WDR1: variants seen among roughly 807,000 people sequenced by gnomAD.
WDR1 encodes WD repeat domain 1.
In WDR1, 21 loss-of-function variants were observed where a neutral mutation model predicts 71.9. The ratio of observed to expected loss-of-function variants is 0.29; its 90% CI spans 0.21 to 0.42. The LOEUF (loss-of-function observed/expected upper bound fraction) is 0.42, where lower values mean the gene tolerates loss of function less well. Ranked by LOEUF, WDR1 falls within the 10% of genes least tolerant of loss-of-function variation. WDR1 has a pLI of 1.00. For missense variants in WDR1, 696 were observed against 824.5 expected (o/e 0.84, Z 1.91); for synonymous variants, 424 against 347.4 (o/e 1.22, Z -2.45).
rs1361291494 is a variant in WDR1, at chr4:10,075,269, G to A, written c.*109C>T. On this transcript the variant is annotated 3_prime_UTR_variant, in exon 15 of 15. Coordinates refer to ENST00000499869, the MANE Select transcript of WDR1 (RefSeq NM_017491.5). ...TGACTGGGCCCTCCTGCCTCTTGTG[G>A]TGGGGTGGGGGCATGGGGGCGCGTC... is the stretch of plus-strand genomic sequence containing the variant. 10 of 909,840 alleles carry A rather than the reference G, an allele frequency of 1.1e-5. No homozygotes were observed. In the Admixed American group the frequency reaches 1.4e-4, roughly 13 times the overall value. The allele number at this position is 909,840 out of a possible 1,614,324, so 56.4% of individuals were successfully genotyped here. A position where few individuals can be genotyped will look rare whatever the true frequency, so the allele number is the denominator to read the frequency against.
At chr4:10,075,729 G>T (rs980535996) in intron 14 of WDR1, 2 of 566,370 alleles carry the variant, frequency 3.5e-6, no homozygotes, top group Admixed American at 6.2e-5. Context: ...AGCATCCCTG[G>T]CTCCACCTAC....
chr4:10,113,900 G>T (rs1035107436), intron 2 of WDR1, among the ~76,000 whole-genome samples: 1 of 152,202 alleles, frequency 6.6e-6, no homozygotes, highest in African/African-American at 2.4e-5. Flanking sequence ...TTGGCTTGGA[G>T]TATGTATGTT....
In WDR1 at chr4:10,085,861, C is replaced by T. The variant is rs1204280478; in HGVS notation, c.952-1331G>A. Reference sequence around the variant, plus strand: ...AACATCAGCATCTGCGTGACTCACACAGGTGTGGCATTTGAGAGTTGGGAC... The same window carrying T: ...AACATCAGCATCTGCGTGACTCACATAGGTGTGGCATTTGAGAGTTGGGAC... On this transcript the variant is annotated intron_variant, in intron 8 of 14. Transcript: ENST00000499869. Among the ~76,000 whole-genome samples the T allele has an allele frequency of 2.0e-5, 3 of 152,240 alleles. No individual in the cohort carries two copies. In the East Asian group the frequency reaches 5.8e-4, roughly 29 times the overall value.
chr4:10,106,102 G>C (rs1407953261), intron 2 of WDR1, among the ~76,000 whole-genome samples: 1 of 151,998 alleles, frequency 6.6e-6, no homozygotes, highest in African/African-American at 2.4e-5. Flanking sequence ...TGGGGGTGAG[G>C]GTGGAAGGGG....
At chr4:10,081,169 T>C (rs1218056067) in intron 11 of WDR1, among the ~76,000 whole-genome samples, 188 bp downstream of exon 11, 2 of 152,224 alleles carry the variant, frequency 1.3e-5, no homozygotes, top group South Asian at 2.1e-4. Flanking sequence ...CGTGCCTCCA[T>C]TTCTTCATCT....
intron 3 of WDR1, among the ~76,000 whole-genome samples, 159 bp from the exon 4 acceptor site, chr4:10,099,298 G>A (rs770684615): frequency 1.3e-5 from 2 of 152,244 alleles, no homozygotes; most frequent in Non-Finnish European, 2.9e-5. Flanking sequence ...GCCTAGTGAA[G>A]AGAACGTGTC....
chr4:10,112,556 C>T (rs945688915), intron 2 of WDR1, among the ~76,000 whole-genome samples: 6 of 152,122 alleles, frequency 3.9e-5, no homozygotes, highest in African/African-American at 1.2e-4. Context: ...TTAAGAAGTG[C>T]CATTATGCTG....
chr4:10,090,631 G>A (rs1448254856), intron 5 of WDR1, among the ~76,000 whole-genome samples: 2 of 152,200 alleles, frequency 1.3e-5, no homozygotes, highest in African/African-American at 2.4e-5. Flanking sequence ...CCCTCCTCAG[G>A]GTGCTGCCAA....
At chr4:10,084,291 G>A (rs764316807) in intron 9 of WDR1, 152 bp downstream of exon 9, 12 of 660,858 alleles carry the variant, frequency 1.8e-5, no homozygotes, top group Non-Finnish European at 3.3e-5. Context: ...TGTACAGACA[G>A]GCCACCCCTA....
intron 2 of WDR1, among the ~76,000 whole-genome samples, chr4:10,113,386 G>A (rs1351335135): frequency 6.6e-6 from 1 of 152,150 alleles, no homozygotes; most frequent in African/African-American, 2.4e-5. Flanking sequence ...CCAAAGAGAA[G>A]ACAGGGAGCA....
intron 9 of WDR1, among the ~76,000 whole-genome samples, 193 bp downstream of exon 9, chr4:10,084,250 G>C (rs1160591913): frequency 6.6e-6 from 1 of 152,134 alleles, no homozygotes; most frequent in Non-Finnish European, 1.5e-5. Flanking sequence ...AGTTGCCAAG[G>C]ACAACTCCAG....
chr4:10,080,998 G>T (rs1200843881), intron 11 of WDR1, among the ~76,000 whole-genome samples: 2 of 152,220 alleles, frequency 1.3e-5, no homozygotes, highest in Non-Finnish European at 2.9e-5. Flanking sequence ...CTACAATGCA[G>T]CAGGGCTGGG....
intron 3 of WDR1, among the ~76,000 whole-genome samples, chr4:10,100,591 G>T (rs1361582281): frequency 2.6e-5 from 4 of 152,184 alleles, no homozygotes; most frequent in African/African-American, 9.7e-5. Context: ...CCAGCTGCGG[G>T]GACAGGCAAG....
intron 2 of WDR1, among the ~76,000 whole-genome samples, chr4:10,112,547 TAAG>T (rs1296747905): frequency 6.6e-6 from 1 of 152,154 alleles, no homozygotes; most frequent in African/African-American, 2.4e-5. Flanking sequence ...TCTACAAGTT[TAAG>T]AAGTGCCATT....
At chr4:10,116,456 C>T in intron 1 of WDR1, 195 bp downstream of exon 1, 1 of 793,096 alleles carries the variant, frequency 1.3e-6, no homozygotes, top group African/African-American at 1.9e-5. Context: ...GCCCACGGCG[C>T]CAACTTGGGG....
intron 8 of WDR1, among the ~76,000 whole-genome samples, chr4:10,087,217 C>CACATTCAA (rs1491185876): frequency 6.6e-5 from 10 of 152,214 alleles, no homozygotes; most frequent in Non-Finnish European, 1.3e-4. Context: ...CCCTGCCCAC[C>CACATTCAA]ACATTCAAAC....
intron 9 of WDR1, among the ~76,000 whole-genome samples, chr4:10,084,129 G>A (rs527687752): frequency 7.7e-4 from 118 of 152,358 alleles, no homozygotes; most frequent in African/African-American, 2.8e-3. Flanking sequence ...ATTGGCAGAG[G>A]TAGTGGCAGC....
intron 5 of WDR1, among the ~76,000 whole-genome samples, chr4:10,093,541 C>T (rs1712145874): frequency 6.6e-6 from 1 of 152,276 alleles, no homozygotes; most frequent in African/African-American, 2.4e-5. Flanking sequence ...ACCCAACTGC[C>T]TCTCCCGTCA....
intron 8 of WDR1, among the ~76,000 whole-genome samples, chr4:10,085,932 G>C (rs1420229428): frequency 1.3e-5 from 2 of 152,184 alleles, no homozygotes; most frequent in East Asian, 3.9e-4. Context: ...TGGAAGGGTG[G>C]GATGCTGGTT....
Sources: allele counts gnomAD v4.1 joint callset (sites outside exome capture counted in the v4.1 genomes callset), GRCh38; gene constraint gnomAD v4.1.1; transcripts MANE v1.5; gene names NCBI Gene and HGNC (gene_info 2026-07-23, HGNC 2026-07-21).